Variants in GNA12 observed in about 807,000 individuals in gnomAD.
GNA12 encodes the protein guanine nucleotide-binding protein subunit alpha-12.
GNA12 carries 9 observed loss-of-function variants against 26.0 expected under a neutral mutation model. The observed-to-expected ratio is 0.35, with a 90% confidence interval of 0.21 to 0.60. The LOEUF is 0.60. Among genes scored for constraint, GNA12 ranks in the 20% least tolerant of loss-of-function variants. The pLI is 0.78. For synonymous variants in GNA12, 264 were observed against 219.6 expected (o/e 1.20, Z -1.79); for missense variants, 405 against 525.8 (o/e 0.77, Z 2.25).
intron 1 of GNA12, among the ~76,000 whole-genome samples, chr7:2,804,874 C>T (rs1202593634): frequency 1.3e-5 from 2 of 150,962 alleles, no homozygotes; most frequent in Non-Finnish European, 2.9e-5. Context: ...GCCTGGACAA[C>T]TTACCGAGAC....
intron 2 of GNA12, among the ~76,000 whole-genome samples, chr7:2,757,852 A>C (rs553818163): frequency 6.6e-5 from 10 of 152,148 alleles, no homozygotes; most frequent in Non-Finnish European, 1.3e-4. Flanking sequence ...TTCAAACCTG[A>C]CTTTTTAAAT....
At chr7:2,817,271 A>AT (rs755141592) in intron 1 of GNA12, among the ~76,000 whole-genome samples, 2 of 152,018 alleles carry the variant, frequency 1.3e-5, no homozygotes, top group Non-Finnish European at 2.9e-5. Flanking sequence ...TGCCCAGCTC[A>AT]TTTTTTGTAT....
chr7:2,737,174 T>A (rs1383302318), intron 2 of GNA12, among the ~76,000 whole-genome samples: 1 of 151,524 alleles, frequency 6.6e-6, no homozygotes, highest in Non-Finnish European at 1.5e-5. Context: ...CAGAGAGTGG[T>A]TACAAAGAAA....
At chr7:2,815,089 C>G in intron 1 of GNA12, 1 of 1,257,082 alleles carries the variant, frequency 8.0e-7, no homozygotes, top group South Asian at 1.5e-5. Context: ...CAACAGAGAA[C>G]CAGACAGACA....
intron 1 of GNA12, among the ~76,000 whole-genome samples, chr7:2,805,491 C>CCG (rs1178469158): frequency 6.6e-6 from 1 of 152,156 alleles, no homozygotes; most frequent in Non-Finnish European, 1.5e-5. Flanking sequence ...GCAGCCTTGA[C>CCG]CGCGCGGGCT....
chr7:2,763,248 A>C, intron 2 of GNA12: 1 of 373,366 alleles, frequency 2.7e-6, no homozygotes, highest in Non-Finnish European at 3.8e-6. Context: ...AACACAGTTC[A>C]GAAAACACAT....
intron 2 of GNA12, among the ~76,000 whole-genome samples, chr7:2,744,864 T>A (rs1583225552): frequency 6.6e-6 from 1 of 152,020 alleles, no homozygotes; most frequent in African/African-American, 2.4e-5. Flanking sequence ...GAGAACTACC[T>A]GAGGAATGCA....
intron 1 of GNA12, among the ~76,000 whole-genome samples, chr7:2,826,204 T>C (rs1170931770): frequency 1.3e-5 from 2 of 151,746 alleles, no homozygotes; most frequent in African/African-American, 4.8e-5. Context: ...TGGTGAAACT[T>C]TGTCTCTACT....
Position 2,731,794 on chromosome 7 carries a change from A to G in GNA12, c.577-44T>C, listed in dbSNP as rs779512222. ...GGCAGAAATTTAGGGGGAGGAAGAA[A>G]GAACAGAGAAAATAGAAACAAAAAG... On this transcript the variant is annotated intron_variant, in intron 3 of 3. Transcript: ENST00000275364. This position sits in a 1 kb window ranked among gnomAD's most constrained non-coding sequence, Gnocchi z 6.0. 5 of 1,020,702 alleles carry G rather than the reference A, an allele frequency of 4.9e-6. No individual in the cohort carries two copies. In the South Asian group the frequency reaches 1.1e-4, roughly 23 times the overall value. 63.2% of individuals were successfully genotyped at this position (1,020,702 alleles called of 1,614,324 possible).
chr7:2,842,117 GAGGAAGAAAAGAA>G (rs1779011885), intron 1 of GNA12, among the ~76,000 whole-genome samples: 1 of 144,600 alleles, frequency 6.9e-6, no homozygotes, highest in African/African-American at 2.8e-5. Context: ...GAAGGGAAGG[GAGGAAGAAAAGAA>G]AGGAAGGAAA....
chr7:2,810,249 G>A (rs181968261), intron 1 of GNA12, among the ~76,000 whole-genome samples: 331 of 152,220 alleles, frequency 2.2e-3, no homozygotes, highest in Non-Finnish European at 3.4e-3. Flanking sequence ...GCTCCTAGAC[G>A]GTGATTTCTC....
At chr7:2,744,406 C>G (rs992787092) in intron 2 of GNA12, among the ~76,000 whole-genome samples, 2 of 152,324 alleles carry the variant, frequency 1.3e-5, no homozygotes, top group East Asian at 1.9e-4. Context: ...CCCAAGCAAA[C>G]AGGGTCTGGA....
At chr7:2,774,766 T>C (rs1467728853) in intron 2 of GNA12, among the ~76,000 whole-genome samples, 1 of 152,188 alleles carries the variant, frequency 6.6e-6, no homozygotes, top group Non-Finnish European at 1.5e-5. Flanking sequence ...CGTCTAAGAA[T>C]AAACATAAGT....
intron 1 of GNA12, among the ~76,000 whole-genome samples, chr7:2,836,442 G>A (rs1214212317): frequency 6.6e-6 from 1 of 152,238 alleles, no homozygotes; most frequent in Non-Finnish European, 1.5e-5. Context: ...TGACAAGGCA[G>A]TGAGTTCTCT....
chr7:2,780,048 G>GTATATATATATATATATATATA (rs1554259618), intron 2 of GNA12, among the ~76,000 whole-genome samples: 4 of 84,734 alleles, frequency 4.7e-5, no homozygotes, highest in African/African-American at 1.7e-4. Flanking sequence ...ACATTTCTGT[G>GTATATATATATATATATATATA]TACATATATA....
At chr7:2,827,587 G>C in intron 1 of GNA12, among the ~76,000 whole-genome samples, 1 of 152,266 alleles carries the variant, frequency 6.6e-6, no homozygotes, top group South Asian at 2.1e-4. Context: ...ACCACGCTGA[G>C]GACAGTGGGG....
chr7:2,786,936 C>A (rs147671238), intron 2 of GNA12, among the ~76,000 whole-genome samples: 5 of 152,172 alleles, frequency 3.3e-5, no homozygotes, highest in African/African-American at 7.2e-5. Flanking sequence ...GCCAAGCCCC[C>A]GGCAAGGAAG....
intron 2 of GNA12, among the ~76,000 whole-genome samples, chr7:2,794,561 G>A (rs1390040046): frequency 6.6e-6 from 1 of 152,188 alleles, no homozygotes; most frequent in Non-Finnish European, 1.5e-5. Flanking sequence ...GCGTTCGTGA[G>A]TTGCCCATAC....
At chr7:2,804,690 C>G (rs1194967131) in intron 1 of GNA12, among the ~76,000 whole-genome samples, 1 of 152,160 alleles carries the variant, frequency 6.6e-6, no homozygotes, top group Non-Finnish European at 1.5e-5. Flanking sequence ...TTGGCCCATT[C>G]GTTGGGGCCA....
Sources: gnomAD v4.1 joint callset for allele counts (sites outside exome capture counted in the v4.1 genomes callset) on GRCh38, gnomAD v4.1.1 for gene constraint, Gnocchi (gnomAD v3.1) non-coding constraint, MANE v1.5 for transcripts, NCBI Gene and HGNC (gene_info 2026-07-23, HGNC 2026-07-21) for gene names.